NR3C2: variants seen among roughly 807,000 people sequenced by gnomAD.
NR3C2 encodes the protein mineralocorticoid receptor.
In NR3C2, 15 loss-of-function variants were observed where a neutral mutation model predicts 86.4. The observed-to-expected ratio is 0.17, with a 90% CI of 0.12 to 0.27. The LOEUF is 0.27. Ranked by LOEUF, NR3C2 falls within the 10% of genes least tolerant of loss-of-function variation. NR3C2 has a pLI of 1.00. For synonymous variants in NR3C2, 458 were observed against 450.5 expected (o/e 1.02, Z -0.21); for missense variants, 960 against 1,195.6 (o/e 0.80, Z 2.91).
chr4:148,384,173 A>C (rs1691703567), intron 2 of NR3C2, among the ~76,000 whole-genome samples: 1 of 151,942 alleles, frequency 6.6e-6, no homozygotes. Flanking sequence ...AATGATTCAT[A>C]TTTTCTATTA....
At chr4:148,241,553 C>T (rs1739049006) in intron 3 of NR3C2, among the ~76,000 whole-genome samples, 1 of 152,050 alleles carries the variant, frequency 6.6e-6, no homozygotes, top group African/African-American at 2.4e-5. Flanking sequence ...GTCTCATATT[C>T]CAAGTCTCAA....
At chr4:148,400,405 G>A (rs1748087859) in intron 2 of NR3C2, among the ~76,000 whole-genome samples, 1 of 152,036 alleles carries the variant, frequency 6.6e-6, no homozygotes, top group East Asian at 1.9e-4. Context: ...TTTTGCTCTT[G>A]GAGATTGTTC....
intron 2 of NR3C2, among the ~76,000 whole-genome samples, chr4:148,353,982 A>C (rs1186535055): frequency 6.6e-6 from 1 of 152,168 alleles, no homozygotes; most frequent in Non-Finnish European, 1.5e-5. Context: ...AGCCTGAAAA[A>C]TTATTCTACA....
chr4:148,198,463 C>A (rs1474876765), intron 3 of NR3C2, among the ~76,000 whole-genome samples: 2 of 151,974 alleles, frequency 1.3e-5, no homozygotes, highest in African/African-American at 4.8e-5. Flanking sequence ...AAACGAAGGG[C>A]AGGGAGGAGA....
intron 8 of NR3C2, among the ~76,000 whole-genome samples, chr4:148,094,841 A>G (rs1223996169): frequency 1.3e-5 from 2 of 152,274 alleles, no homozygotes; most frequent in African/African-American, 4.8e-5. Flanking sequence ...GAAATGTGGC[A>G]TACACAGAGA....
chr4:148,427,864 G>C (rs1463765335), intron 2 of NR3C2, among the ~76,000 whole-genome samples: 1 of 152,030 alleles, frequency 6.6e-6, no homozygotes, highest in Non-Finnish European at 1.5e-5. Flanking sequence ...GCTTAATCAG[G>C]AATATTCTGA....
chr4:148,361,065 A>G (rs1339550344), intron 2 of NR3C2, among the ~76,000 whole-genome samples: 2 of 152,190 alleles, frequency 1.3e-5, no homozygotes, highest in Non-Finnish European at 1.5e-5. Flanking sequence ...GACAAAGACC[A>G]TGTATTAATT....
At chr4:148,414,500 A>G (rs1483766187) in intron 2 of NR3C2, among the ~76,000 whole-genome samples, 1 of 152,178 alleles carries the variant, frequency 6.6e-6, no homozygotes, top group Non-Finnish European at 1.5e-5. Flanking sequence ...AAAATTCCTA[A>G]CCACTGTCTA....
Position 148,145,779 on chromosome 4 carries a change from G to A in NR3C2, c.2510+6690C>T, listed in dbSNP as rs114395357. 4.8e-3 allele frequency among the ~76,000 whole-genome samples: 735 copies of A among 152,174 alleles called. 6 individuals are homozygous for A. Among genetic ancestry groups the A allele is most frequent in the African/African-American group, 0.017 (688 of 41,508 alleles). Reference sequence around the variant, plus strand: ...AGAGTCCAACGGAAAAATAAGGCACGGAAGGAAGACTTGTTTCCTTCTTTT... The same window carrying A: ...AGAGTCCAACGGAAAAATAAGGCACAGAAGGAAGACTTGTTTCCTTCTTTT... On this transcript the variant is annotated intron_variant, in intron 6 of 8. Coordinates refer to ENST00000358102, the MANE Select transcript of NR3C2 (RefSeq NM_000901.5).
intron 3 of NR3C2, among the ~76,000 whole-genome samples, chr4:148,219,227 C>A (rs1234460527): frequency 6.6e-6 from 1 of 152,100 alleles, no homozygotes; most frequent in African/African-American, 2.4e-5. Context: ...CATTGAATAT[C>A]TTTTCATGTG....
At chr4:148,128,455 T>C (rs1321855059) in intron 6 of NR3C2, among the ~76,000 whole-genome samples, 2 of 152,234 alleles carry the variant, frequency 1.3e-5, no homozygotes, top group East Asian at 3.8e-4. Context: ...AAGCCCAAAC[T>C]ACAAAGCATT....
At chr4:148,275,290 T>C (rs1482369304) in intron 2 of NR3C2, among the ~76,000 whole-genome samples, 1 of 152,164 alleles carries the variant, frequency 6.6e-6, no homozygotes, top group Non-Finnish European at 1.5e-5. Flanking sequence ...CTACTGTACA[T>C]TTGTAGGGTA....
chr4:148,366,494 AAAGAATACT>A (rs1746150581), intron 2 of NR3C2, among the ~76,000 whole-genome samples: 1 of 116,186 alleles, frequency 8.6e-6, no homozygotes, highest in Admixed American at 8.1e-5. Context: ...CACTTTTAAA[AAAGAATACT>A]AAGATATTCT....
At chr4:148,152,646 A>C (rs769349108) in intron 5 of NR3C2, 33 bp from the exon 6 acceptor site, 3 of 1,610,330 alleles carry the variant, frequency 1.9e-6, no homozygotes, top group Non-Finnish European at 2.5e-6. Flanking sequence ...ACAGAAATAC[A>C]CTTAGCATTT....
Position 148,252,083 on chromosome 4 carries a change from A to G in NR3C2, c.1897+7895T>C, listed in dbSNP as rs141446210. On this transcript the variant is annotated intron_variant, in intron 3 of 8. Transcript: ENST00000358102. ...TGACCTTGGACAAGTTATTTACTACATGCACGACTCAGTGGATGGATCTCT... is the reference window on the plus strand; with the variant it reads ...TGACCTTGGACAAGTTATTTACTACGTGCACGACTCAGTGGATGGATCTCT... Among the ~76,000 whole-genome samples the G allele has an allele frequency of 4.4e-4, 67 of 152,322 alleles. 1 individual carries two copies. Among genetic ancestry groups the G allele is most frequent in the African/African-American group, 1.6e-3 (65 of 41,578 alleles).
At chr4:148,386,431 C>A (rs890890814) in intron 2 of NR3C2, among the ~76,000 whole-genome samples, 1 of 152,190 alleles carries the variant, frequency 6.6e-6, no homozygotes, top group African/African-American at 2.4e-5. Context: ...AAAATGGCCA[C>A]AAACACTATG....
intron 2 of NR3C2, among the ~76,000 whole-genome samples, chr4:148,324,331 C>CTG (rs374839889): frequency 0.012 from 1,747 of 141,902 alleles, 16 homozygotes; most frequent in Non-Finnish European, 0.016. Context: ...TAATATTCCT[C>CTG]TGTGTGTGTG....
intron 3 of NR3C2, among the ~76,000 whole-genome samples, chr4:148,252,667 A>G (rs2149862121): frequency 6.6e-6 from 1 of 152,342 alleles, no homozygotes; most frequent in Non-Finnish European, 1.5e-5. Flanking sequence ...AAGTCAGGTG[A>G]CTGTTCATTG....
In NR3C2 at chr4:148,435,515, G is replaced by A. The variant is rs1406792251; in HGVS notation, c.1346C>T (p.Pro449Leu). Residue 449 changes from proline (P) to leucine (L), a missense_variant, in exon 2 of 9, where the codon CCG becomes CTG. Around this residue, in one of 4 missense-constraint regions of NR3C2, gnomAD observed 680 missense variants for 719.0 expected, o/e 0.95. Transcript: ENST00000358102. The stretch of plus-strand genomic sequence containing the variant: ...ATACGAGCCATCCATAAATGGAAAC[G>A]GGTTTACTGTTGGATTCCCTTTAAA... ...TSFKGNPTVNPFPFMDGSYFS... is the reference protein window; with the variant it reads ...TSFKGNPTVNLFPFMDGSYFS... 18 of 1,614,058 alleles carry A rather than the reference G, an allele frequency of 1.1e-5. No homozygotes were observed. The highest frequency in any genetic ancestry group is 1.5e-5 in the Non-Finnish European group (18 of 1,180,020).
Sources: allele counts gnomAD v4.1 joint callset (sites outside exome capture counted in the v4.1 genomes callset), GRCh38; gene constraint gnomAD v4.1.1; regional missense constraint gnomAD v4.1.1; transcripts MANE v1.5; gene names NCBI Gene and HGNC (gene_info 2026-07-23, HGNC 2026-07-21).